CLSTN2: variants seen among roughly 807,000 people sequenced by gnomAD.
CLSTN2 encodes calsyntenin-2.
CLSTN2 carries 48 observed loss-of-function variants against 101.2 expected under a neutral mutation model. The ratio of observed to expected loss-of-function variants is 0.47; its 90% CI spans 0.38 to 0.60. CLSTN2 has a LOEUF of 0.60. Among genes scored for constraint, CLSTN2 ranks in the 20% least tolerant of loss-of-function variants. The pLI, the probability that CLSTN2 is intolerant of heterozygous loss-of-function variation, is 0.00. For missense variants in CLSTN2, 1,160 were observed against 1,238.2 expected, an observed-to-expected ratio of 0.94 and a Z score of 0.95; for synonymous variants, 481 against 463.6, an observed-to-expected ratio of 1.04 and a Z score of -0.48.
intron 1 of CLSTN2, among the ~76,000 whole-genome samples, chr3:140,015,676 A>C (rs189309410): frequency 6.6e-6 from 1 of 152,342 alleles, no homozygotes; most frequent in East Asian, 1.9e-4. Context: ...GGACATGATG[A>C]GTTTGATTTA....
At chr3:140,102,534 C>T (rs2008985081) in intron 1 of CLSTN2, among the ~76,000 whole-genome samples, 1 of 152,218 alleles carries the variant, frequency 6.6e-6, no homozygotes. Flanking sequence ...CTTTGAAGGT[C>T]CTACTGTGGG....
At chr3:140,044,024 A>G (rs1158031425) in intron 1 of CLSTN2, among the ~76,000 whole-genome samples, 2 of 152,208 alleles carry the variant, frequency 1.3e-5, no homozygotes, top group Admixed American at 6.5e-5. Flanking sequence ...TTTTGGTTCC[A>G]TATGAACTTT....
Position 140,012,124 on chromosome 3 carries a change from C to T in CLSTN2, c.109+76641C>T, listed in dbSNP as rs527577963. ...GGAGGGTGCTCTCTATGGTCCAGTG[C>T]GTGGTTGGCTCCTGCTTTCTCTCTG... On this transcript the variant is annotated intron_variant, in intron 1 of 16. Transcript: ENST00000458420. Among the ~76,000 whole-genome samples the T allele has an allele frequency of 1.8e-3, 269 of 152,074 alleles. 1 individual carries two copies. The highest frequency in any genetic ancestry group is 5.9e-3 in the African/African-American group (246 of 41,466).
At chr3:140,092,895 C>A (rs2008804590) in intron 1 of CLSTN2, among the ~76,000 whole-genome samples, 1 of 152,198 alleles carries the variant, frequency 6.6e-6, no homozygotes, top group South Asian at 2.1e-4. Flanking sequence ...CTCAGGGGTT[C>A]TCCTCGCTAA....
chr3:140,451,262 A>G (rs962053818), intron 6 of CLSTN2, among the ~76,000 whole-genome samples: 5 of 152,158 alleles, frequency 3.3e-5, no homozygotes, highest in African/African-American at 1.2e-4. Flanking sequence ...AGATGGGGAG[A>G]TATGGAGTGT....
At chr3:140,273,182 A>G (rs1166747348) in intron 2 of CLSTN2, among the ~76,000 whole-genome samples, 2 of 151,852 alleles carry the variant, frequency 1.3e-5, no homozygotes, top group Admixed American at 1.3e-4. Context: ...AAAAACATTC[A>G]TTATCACAAC....
chr3:139,998,336 C>CTTTTTTTTTT (rs60541490), intron 1 of CLSTN2, among the ~76,000 whole-genome samples: 699 of 66,758 alleles, frequency 0.01, 113 homozygotes, highest in African/African-American at 0.033. Context: ...CCCCACATGC[C>CTTTTTTTTTT]TTTTTTTTTT....
intron 7 of CLSTN2, chr3:140,460,930 A>G (rs1262216866): frequency 2.0e-5 from 3 of 152,210 alleles, no homozygotes; most frequent in African/African-American, 7.2e-5. Flanking sequence ...CCACTTCTTA[A>G]GGCATGATCT....
At chr3:140,315,049 A>G (rs1373597438) in intron 2 of CLSTN2, among the ~76,000 whole-genome samples, 1 of 152,220 alleles carries the variant, frequency 6.6e-6, no homozygotes, top group Non-Finnish European at 1.5e-5. Context: ...ATGCCAAGGC[A>G]GTTATTAGAG....
chr3:140,400,467 G>A (rs563287400), intron 2 of CLSTN2, among the ~76,000 whole-genome samples: 64 of 152,234 alleles, frequency 4.2e-4, no homozygotes, highest in African/African-American at 1.3e-3. Context: ...TTGGGAGGCC[G>A]ACAGGAGAAT....
At chr3:140,500,301 G>A (rs949866328) in intron 8 of CLSTN2, among the ~76,000 whole-genome samples, 5 of 152,082 alleles carry the variant, frequency 3.3e-5, no homozygotes, top group Non-Finnish European at 4.4e-5. Flanking sequence ...ATTGTTTAAA[G>A]ATCCAGAAAA....
chr3:140,575,635 C>G lies in CLSTN2; in HGVS notation c.*9382C>G, dbSNP rs1985708714. 6.6e-6 allele frequency: 1 copy of G among 152,138 alleles called. No homozygotes were observed. The highest frequency in any genetic ancestry group is 1.5e-5 in the Non-Finnish European group (1 of 68,020). 9.4% of individuals were successfully genotyped at this position (152,138 alleles called of 1,614,324 possible). On this transcript the variant is annotated 3_prime_UTR_variant, in exon 17 of 17. Transcript: ENST00000458420. The stretch of plus-strand genomic sequence containing the variant: ...AAATTGCATGTAGAAGTTGTTTGTT[C>G]TCAAAGAAATCTGTAGGTGTTAGAG...
chr3:140,556,677 T>C lies in CLSTN2; in HGVS notation c.1823+16T>C, dbSNP rs759659142. 1.9e-6 allele frequency: 3 copies of C among 1,612,998 alleles called. No homozygotes were observed. The highest frequency in any genetic ancestry group is 2.5e-6 in the Non-Finnish European group (3 of 1,179,400). On this transcript the variant is annotated intron_variant, in intron 11 of 16. Coordinates refer to ENST00000458420, the MANE Select transcript of CLSTN2 (RefSeq NM_022131.3). Reference sequence around the variant, plus strand: ...CCAAAGTCCAGTGAGTGGACGCTGGTCAGCCTGGGGCCAACTGAGGCAGCA... The same window carrying C: ...CCAAAGTCCAGTGAGTGGACGCTGGCCAGCCTGGGGCCAACTGAGGCAGCA...
intron 4 of CLSTN2, among the ~76,000 whole-genome samples, chr3:140,415,167 C>T (rs1257730367): frequency 6.6e-6 from 1 of 151,772 alleles, no homozygotes; most frequent in African/African-American, 2.4e-5. Flanking sequence ...CCTTCTGTTA[C>T]ACCATACACA....
At chr3:140,513,286 A>G (rs965656490) in intron 8 of CLSTN2, among the ~76,000 whole-genome samples, 1 of 152,204 alleles carries the variant, frequency 6.6e-6, no homozygotes, top group African/African-American at 2.4e-5. Context: ...TGTCCCTTCA[A>G]TACCTAGTTT....
At chr3:140,431,808 G>C (rs193221876) in intron 5 of CLSTN2, among the ~76,000 whole-genome samples, 1 of 152,294 alleles carries the variant, frequency 6.6e-6, no homozygotes, top group East Asian at 1.9e-4. Context: ...TCTAGCCACA[G>C]GCTTTGCTTA....
chr3:140,526,946 T>TAAAG (rs904374020), intron 8 of CLSTN2, among the ~76,000 whole-genome samples: 20 of 152,160 alleles, frequency 1.3e-4, no homozygotes, highest in African/African-American at 4.1e-4. Context: ...CAAAATGGGT[T>TAAAG]AAAGATTTAA....
chr3:140,315,876 G>A (rs961750194), intron 2 of CLSTN2, among the ~76,000 whole-genome samples: 4 of 152,172 alleles, frequency 2.6e-5, no homozygotes, highest in Non-Finnish European at 4.4e-5. Context: ...GGGTAGGTAG[G>A]ATAAAAGGTG....
Position 140,490,113 on chromosome 3 carries a change from TATATACACACACAC to T in CLSTN2, c.1344+23384_1344+23397del, listed in dbSNP as rs1934322420. Among the ~76,000 whole-genome samples, 10 of 8,064 alleles carry T rather than the reference TATATACACACACAC, an allele frequency of 1.2e-3. 1 individual carries two copies. The highest frequency in any genetic ancestry group is 5.5e-3 in the African/African-American group (10 of 1,832). The allele number at this position is 8,064 out of a possible 152,430, so 5.3% of individuals were successfully genotyped here. A position where few individuals can be genotyped will look rare whatever the true frequency, so the allele number is the denominator to read the frequency against. On this transcript the variant is annotated intron_variant, in intron 8 of 16. Transcript: ENST00000458420. ...GTATATATATATATATATATATATA[TATATACACACACAC>T]ACACACACACACACACACACACACA...
Sources: gnomAD v4.1 joint callset for allele counts (sites outside exome capture counted in the v4.1 genomes callset) on GRCh38, gnomAD v4.1.1 for gene constraint, MANE v1.5 for transcripts, NCBI Gene and HGNC (gene_info 2026-07-23, HGNC 2026-07-21) for gene names.